The following ACSL5 variants were observed in gnomAD, a reference collection of about 807,000 sequenced individuals.
ACSL5 encodes the protein acyl-CoA synthetase long chain family member 5.
In ACSL5, 50 loss-of-function variants were observed where a neutral mutation model predicts 84.9. The observed-to-expected ratio is 0.59, with a 90% CI of 0.47 to 0.75. ACSL5 has a LOEUF of 0.75. ACSL5 is among the 30% of genes least tolerant of loss of function. ACSL5 has a pLI of 0.00. For missense variants in ACSL5, 775 were observed against 830.4 expected (o/e 0.93, Z 0.82); for synonymous variants, 280 against 300.7 (o/e 0.93, Z 0.71).
At chr10:112,414,352 CTTTTTTTTTTT>C (rs34464188) in intron 12 of ACSL5, among the ~76,000 whole-genome samples, 1 of 85,502 alleles carries the variant, frequency 1.2e-5, no homozygotes, top group Middle Eastern at 7.1e-3. Flanking sequence ...TTCAGTGATT[CTTTTTTTTTTT>C]TTTTTTTTTT....
chr10:112,426,980 C>A, intron 20 of ACSL5, 121 bp downstream of exon 20: 2 of 992,366 alleles, frequency 2.0e-6, no homozygotes, highest in Non-Finnish European at 3.1e-6. Context: ...GTGCCATTAA[C>A]TACAAAATGA....
Position 112,427,368 on chromosome 10 carries a change from C to CT in ACSL5, c.*12dup. The stretch of plus-strand genomic sequence containing the variant: ...GCACATCCAGGATTAGGATAAGGTA[C>CT]TTAAGTACCTGCCGGCCCACTGTGC... On this transcript the variant is annotated 3_prime_UTR_variant, in exon 21 of 21. Coordinates refer to ENST00000354655, the MANE Select transcript of ACSL5 (RefSeq NM_203379.2). 1.2e-6 allele frequency: 2 copies of CT among 1,605,506 alleles called. No homozygotes were observed. Among genetic ancestry groups the CT allele is most frequent in the Non-Finnish European group, 1.7e-6 (2 of 1,176,278 alleles).
chr10:112,388,652 G>C (rs907955473), intron 1 of ACSL5, among the ~76,000 whole-genome samples: 1 of 152,202 alleles, frequency 6.6e-6, no homozygotes, highest in African/African-American at 2.4e-5. Flanking sequence ...TAAAATCTCT[G>C]TTCCAAAGAG....
chr10:112,417,748 C>T (rs1303291743), intron 13 of ACSL5, 98 bp from the exon 14 acceptor site: 3 of 908,882 alleles, frequency 3.3e-6, no homozygotes, highest in Non-Finnish European at 5.4e-6. Flanking sequence ...GTTTAATTCT[C>T]ATAACAACGC....
At position 112,422,311 on chromosome 10, in the gene ACSL5, T is replaced by G; in HGVS notation, c.1477-14T>G. The G allele has an allele frequency of 6.2e-7, 1 of 1,607,116 alleles. No homozygotes were observed. The highest frequency in any genetic ancestry group is 8.5e-7 in the Non-Finnish European group (1 of 1,175,234). On this transcript the variant is annotated splice_polypyrimidine_tract_variant and intron_variant, in intron 16 of 20. Transcript: ENST00000354655. ...CCTTTGCTATTGTCACCGCCTTGTA[T>G]GTCTGCTGTGCAGGTCTGCATCAAG...
intron 1 of ACSL5, among the ~76,000 whole-genome samples, chr10:112,379,370 A>C (rs1849303615): frequency 6.7e-6 from 1 of 148,930 alleles, no homozygotes; most frequent in Non-Finnish European, 1.5e-5. Flanking sequence ...TCGCCACTGC[A>C]CTCCAGCCTG....
At chr10:112,425,265 G>A (rs1337965609) in intron 17 of ACSL5, 73 bp from the exon 18 acceptor site, 1 of 1,343,034 alleles carries the variant, frequency 7.4e-7, no homozygotes, top group African/African-American at 1.5e-5. Context: ...AGATGACTGT[G>A]ACTTCACCAC....
intron 1 of ACSL5, among the ~76,000 whole-genome samples, chr10:112,380,300 A>G (rs138230961): frequency 7.8e-4 from 118 of 152,126 alleles, no homozygotes; most frequent in African/African-American, 2.7e-3. Context: ...TTAACATGAG[A>G]TCTCCTGATA....
intron 1 of ACSL5, among the ~76,000 whole-genome samples, chr10:112,389,005 T>C (rs1289952088): frequency 1.3e-5 from 2 of 151,976 alleles, no homozygotes; most frequent in African/African-American, 4.8e-5. Flanking sequence ...CAAAAGAAAA[T>C]GATTTTTAGC....
intron 1 of ACSL5, chr10:112,394,700 C>A: frequency 2.0e-6 from 2 of 975,650 alleles, no homozygotes; most frequent in Non-Finnish European, 2.4e-6. Flanking sequence ...AGTCAAGTAG[C>A]AGAGGTGGAG....
At chr10:112,383,257 A>G (rs1564730270) in intron 1 of ACSL5, among the ~76,000 whole-genome samples, 1 of 152,232 alleles carries the variant, frequency 6.6e-6, no homozygotes, top group Non-Finnish European at 1.5e-5. Flanking sequence ...TGGGGCTGCG[A>G]TAGCGCCACT....
At chr10:112,381,380 C>T (rs372935829) in intron 1 of ACSL5, among the ~76,000 whole-genome samples, 1 of 152,102 alleles carries the variant, frequency 6.6e-6, no homozygotes, top group South Asian at 2.1e-4. Flanking sequence ...TGAAAATAAA[C>T]GTATAGGCTG....
chr10:112,408,298 C>T, intron 5 of ACSL5, 124 bp from the exon 6 acceptor site: 1 of 461,606 alleles, frequency 2.2e-6, no homozygotes, highest in Non-Finnish European at 3.8e-6. Context: ...GGCACTGTCT[C>T]AAAAAAAAAA....
intron 7 of ACSL5, 159 bp from the exon 8 acceptor site, chr10:112,410,304 A>C (rs1377943785): frequency 6.5e-7 from 1 of 1,548,414 alleles, no homozygotes; most frequent in East Asian, 2.4e-5. Context: ...TGGGGCTTCC[A>C]TTGTTCCTGA....
In ACSL5 at chr10:112,416,924, TTG is replaced by T; in HGVS notation, c.1122_1123del (p.Leu374PhefsTer8). 6.2e-7 allele frequency: 1 copy of T among 1,614,184 alleles called. No individual in the cohort carries two copies. Among genetic ancestry groups the T allele is most frequent in the Non-Finnish European group, 8.5e-7 (1 of 1,180,012 alleles). ...NEAKTPLKKF[L>X]LKLAVSSKFK... ...GGCCAAGACACCCTTGAAGAAGTTC[TTG>T]TTGAAGCTGGCTGTTTCCAGTAAAT... On this transcript the variant is annotated frameshift_variant, in exon 13 of 21. Transcript: ENST00000354655. LOFTEE classifies it high-confidence loss of function.
intron 10 of ACSL5, among the ~76,000 whole-genome samples, 179 bp from the exon 11 acceptor site, chr10:112,411,723 T>A (rs1031480064): frequency 6.6e-6 from 1 of 152,046 alleles, no homozygotes. Flanking sequence ...CGTTGGTCTT[T>A]TAGGATCACT....
chr10:112,427,800 C>T lies in ACSL5; in HGVS notation c.*442C>T, dbSNP rs908927421. 1 of 151,948 alleles carries T rather than the reference C, an allele frequency of 6.6e-6. No individual in the cohort carries two copies. The highest frequency in any genetic ancestry group is 2.5e-5 in the African/African-American group (1 of 40,410). The allele number at this position is 151,948 out of a possible 1,614,324, so 9.4% of individuals were successfully genotyped here. ...GTTCAAACTAAGAGATTTTTAAATT[C>T]TGAAAAACTGCTTACAATTCATGTT... On this transcript the variant is annotated 3_prime_UTR_variant, in exon 21 of 21. Transcript: ENST00000354655.
intron 5 of ACSL5, among the ~76,000 whole-genome samples, chr10:112,405,712 AC>A (rs1237379794): frequency 1.3e-5 from 2 of 151,972 alleles, no homozygotes; most frequent in Non-Finnish European, 2.9e-5. Flanking sequence ...TCCACAGATA[AC>A]CCCCCCAAAA....
In ACSL5 at chr10:112,408,471, C is replaced by T. The variant is rs1484498249; in HGVS notation, c.482C>T (p.Pro161Leu). 1 of 1,613,702 alleles carries T rather than the reference C, an allele frequency of 6.2e-7. No homozygotes were observed. The highest frequency in any genetic ancestry group is 1.3e-5 in the African/African-American group (1 of 74,902). The change falls in exon 6 of 21, where the codon CCT becomes CTT. Residue 161 changes from proline (P) to leucine (L), a missense_variant. Transcript: ENST00000354655. Reference protein sequence around the residue: ...ACYTYSMVAVPLYDTLGPEAI... With the variant: ...ACYTYSMVAVLLYDTLGPEAI... ...TACACGTACTCTATGGTAGCTGTAC[C>T]TCTGTATGACACCTTGGGACCAGAA...
Sources: gnomAD v4.1 joint callset for allele counts (sites outside exome capture counted in the v4.1 genomes callset) on GRCh38, gnomAD v4.1.1 for gene constraint, MANE v1.5 for transcripts, NCBI Gene and HGNC (gene_info 2026-07-23, HGNC 2026-07-21) for gene names.